The following APBA1 variants were observed in gnomAD, a reference collection of about 807,000 sequenced individuals.
APBA1 encodes the protein amyloid beta precursor protein binding family A member 1.
A neutral mutation model predicts 86.6 loss-of-function variants in APBA1; 55 were observed. The ratio of observed to expected loss-of-function variants is 0.64; its 90% CI spans 0.51 to 0.80. APBA1 has a LOEUF of 0.80. Ranked by LOEUF, APBA1 falls within the 30% of genes least tolerant of loss-of-function variation. The pLI is 0.00. For missense variants in APBA1, 1,090 were observed against 1,183.0 expected (o/e 0.92, Z 1.15); for synonymous variants, 511 against 493.9 (o/e 1.03, Z -0.46).
chr9:69,609,853 C>T (rs1564091351), intron 1 of APBA1, among the ~76,000 whole-genome samples: 1 of 152,144 alleles, frequency 6.6e-6, no homozygotes, highest in Non-Finnish European at 1.5e-5. Context: ...GGCTGGCGTG[C>T]AGCGGCACAG....
intron 1 of APBA1, among the ~76,000 whole-genome samples, chr9:69,621,811 G>A (rs976270260): frequency 1.3e-5 from 2 of 152,166 alleles, no homozygotes; most frequent in Non-Finnish European, 2.9e-5. Context: ...AGCCTCCTAA[G>A]GCAAATGTTT....
intron 1 of APBA1, among the ~76,000 whole-genome samples, chr9:69,584,687 G>A (rs1300514841): frequency 6.6e-6 from 1 of 152,030 alleles, no homozygotes; most frequent in Non-Finnish European, 1.5e-5. Context: ...CATTTTAAAA[G>A]GGGAAATAAT....
chr9:69,531,004 T>A (rs1255573075), intron 1 of APBA1, among the ~76,000 whole-genome samples: 1 of 152,154 alleles, frequency 6.6e-6, no homozygotes, highest in Non-Finnish European at 1.5e-5. Flanking sequence ...CACATTAAAA[T>A]TTTTTTAAAA....
At chr9:69,639,936 T>A (rs1823253235) in intron 1 of APBA1, among the ~76,000 whole-genome samples, 1 of 152,152 alleles carries the variant, frequency 6.6e-6, no homozygotes. Context: ...AGCTTCTACA[T>A]CTGTCTACTA....
chr9:69,487,242 A>C (rs1835626111), intron 2 of APBA1, among the ~76,000 whole-genome samples: 1 of 152,054 alleles, frequency 6.6e-6, no homozygotes, highest in Non-Finnish European at 1.5e-5. Context: ...GAGACACACA[A>C]AAAGTGAGTT....
rs201566446 is a variant in APBA1, at chr9:69,516,128, T to C, written c.1083A>G (p.Lys361=). The C allele has an allele frequency of 1.1e-5, 17 of 1,613,456 alleles. No homozygotes were observed. In the South Asian group the frequency reaches 1.5e-4, roughly 15 times the overall value. ...TGTAAGGCGAACGGATGGTCCTGGT[T>C]TTCACCTCCTCGATGGCCTCCTTGA... The part of the protein sequence containing the change: ...KDIKEAIEEV[K]TRTIRSPYTP... Residue 361 remains lysine (K), a synonymous_variant, in exon 2 of 13, where the codon AAA becomes AAG. Coordinates refer to ENST00000265381, the MANE Select transcript of APBA1 (RefSeq NM_001163.4). This position sits in a 1 kb window ranked among gnomAD's most constrained non-coding sequence, Gnocchi z 7.3.
intron 8 of APBA1, 57 bp from the exon 9 acceptor site, chr9:69,452,358 G>T: frequency 1.3e-6 from 2 of 1,546,116 alleles, no homozygotes; most frequent in South Asian, 1.2e-5. Flanking sequence ...CTGGTGAGCG[G>T]CCTGGCGCAC....
intron 2 of APBA1, among the ~76,000 whole-genome samples, chr9:69,511,212 A>T (rs1474521232): frequency 6.6e-6 from 1 of 152,194 alleles, no homozygotes; most frequent in Non-Finnish European, 1.5e-5. Flanking sequence ...CAATGAACTC[A>T]AACAAATTTA....
At chr9:69,593,365 G>A (rs1013542368) in intron 1 of APBA1, among the ~76,000 whole-genome samples, 1 of 152,094 alleles carries the variant, frequency 6.6e-6, no homozygotes, top group African/African-American at 2.4e-5. Context: ...TATATGATAC[G>A]GGGTTGCTTT....
chr9:69,471,469 G>T (rs148657012), intron 4 of APBA1, among the ~76,000 whole-genome samples, 187 bp downstream of exon 4: 2 of 152,186 alleles, frequency 1.3e-5, no homozygotes, highest in East Asian at 3.9e-4. Context: ...AAGACGTGAG[G>T]AGGATTTCTG....
intron 2 of APBA1, among the ~76,000 whole-genome samples, chr9:69,512,309 C>G (rs1052488424): frequency 1.3e-5 from 2 of 152,020 alleles, no homozygotes; most frequent in African/African-American, 4.8e-5. Flanking sequence ...GATTAGCAAT[C>G]CCATTTTCTC....
At chr9:69,633,978 A>C (rs1218101735) in intron 1 of APBA1, among the ~76,000 whole-genome samples, 1 of 152,262 alleles carries the variant, frequency 6.6e-6, no homozygotes, top group Non-Finnish European at 1.5e-5. Context: ...AAGCAGAGCA[A>C]GATGGCTGAA....
At chr9:69,580,075 CAA>C (rs1273313147) in intron 1 of APBA1, among the ~76,000 whole-genome samples, 1 of 152,154 alleles carries the variant, frequency 6.6e-6, no homozygotes, top group Non-Finnish European at 1.5e-5. Flanking sequence ...TACTGGGCAG[CAA>C]AGACAGCCAA....
chr9:69,432,447 G>C (rs1834617979), intron 12 of APBA1, 89 bp downstream of exon 12: 1 of 1,301,724 alleles, frequency 7.7e-7, no homozygotes, highest in African/African-American at 1.5e-5. Context: ...AGCTTTCCTG[G>C]AAGGTCTGCT....
chr9:69,625,181 C>A (rs1008387812), intron 1 of APBA1, among the ~76,000 whole-genome samples: 1 of 152,184 alleles, frequency 6.6e-6, no homozygotes, highest in African/African-American at 2.4e-5. Context: ...TCAAACACAT[C>A]GAGCTTGCAC....
intron 1 of APBA1, among the ~76,000 whole-genome samples, chr9:69,621,510 G>C (rs1396734501): frequency 6.6e-6 from 1 of 152,132 alleles, no homozygotes; most frequent in African/African-American, 2.4e-5. Context: ...TGAGTGCATG[G>C]CTCTTGAGTC....
intron 1 of APBA1, among the ~76,000 whole-genome samples, chr9:69,635,548 A>G (rs2134002315): frequency 6.6e-6 from 1 of 152,260 alleles, no homozygotes; most frequent in South Asian, 2.1e-4. Flanking sequence ...AAAACTTAGA[A>G]TGGCTGAATG....
intron 11 of APBA1, 24 bp downstream of exon 11, chr9:69,440,972 G>C (rs1834810896): frequency 6.2e-7 from 1 of 1,607,774 alleles, no homozygotes; most frequent in Non-Finnish European, 8.5e-7. Flanking sequence ...TTGTGGAAAA[G>C]GGTGTGGAAG....
At chr9:69,562,172 C>T (rs948135374) in intron 1 of APBA1, among the ~76,000 whole-genome samples, 2 of 152,084 alleles carry the variant, frequency 1.3e-5, no homozygotes, top group East Asian at 1.9e-4. Flanking sequence ...ACAACGTATA[C>T]GTGTAAAGCA....
Sources: allele counts gnomAD v4.1 joint callset (sites outside exome capture counted in the v4.1 genomes callset), GRCh38; gene constraint gnomAD v4.1.1; non-coding constraint Gnocchi (gnomAD v3.1); transcripts MANE v1.5; gene names NCBI Gene and HGNC (gene_info 2026-07-23, HGNC 2026-07-21).